The following RANBP2 variants were observed in gnomAD, a reference collection of about 807,000 sequenced individuals.
RANBP2 encodes the protein RAN binding protein 2.
A neutral mutation model predicts 303.6 loss-of-function variants in RANBP2; 57 were observed. The ratio of observed to expected loss-of-function variants is 0.19; its 90% CI spans 0.15 to 0.23. The LOEUF (loss-of-function observed/expected upper bound fraction) is 0.23. Among genes scored for constraint, RANBP2 ranks in the 10% least tolerant of loss-of-function variants. The probability of loss-of-function intolerance (pLI) is 1.00; values close to 1 mark genes in which losing one functional copy is unlikely to be tolerated. For missense variants in RANBP2, 3,138 were observed against 3,780.8 expected (o/e 0.83, Z 4.46); for synonymous variants, 1,167 against 1,301.5 (o/e 0.90, Z 2.23).
chr2:109,511,500 C>T, the RANBP2 span, among the ~76,000 whole-genome samples: 3 of 152,210 alleles, frequency 2.0e-5, no homozygotes, highest in African/African-American at 7.2e-5. Flanking sequence ...TGCAGTCAGG[C>T]TGGGAGAACC....
the RANBP2 span, among the ~76,000 whole-genome samples, chr2:109,565,194 T>G: frequency 6.6e-6 from 1 of 152,128 alleles, no homozygotes; most frequent in African/African-American, 2.4e-5. Flanking sequence ...TTTTCATTCA[T>G]TACAAAATTT....
chr2:109,490,739 C>T, the RANBP2 span: 1 of 1,536,376 alleles, frequency 6.5e-7, no homozygotes, highest in Non-Finnish European at 8.7e-7. Context: ...GTGCAGTGGG[C>T]CCCGAAGTGT....
the RANBP2 span, among the ~76,000 whole-genome samples, chr2:108,828,169 T>C: frequency 1.3e-5 from 2 of 152,102 alleles, no homozygotes; most frequent in Non-Finnish European, 2.9e-5. Context: ...CAAAATATAT[T>C]GTAGATAAAT....
chr2:109,718,578 G>T, the RANBP2 span, among the ~76,000 whole-genome samples: 1 of 152,184 alleles, frequency 6.6e-6, no homozygotes, highest in African/African-American at 2.4e-5. Flanking sequence ...ATGGATCAAG[G>T]TACAGGAGGA....
At chr2:108,773,777 G>C (rs926108854) in intron 23 of RANBP2, among the ~76,000 whole-genome samples, 17 of 151,998 alleles carry the variant, frequency 1.1e-4, no homozygotes, top group Non-Finnish European at 1.9e-4. Flanking sequence ...CTCCCAAGCA[G>C]CTGGGACTAC....
the RANBP2 span, among the ~76,000 whole-genome samples, chr2:109,535,932 GT>G: frequency 6.6e-6 from 1 of 151,982 alleles, no homozygotes; most frequent in Non-Finnish European, 1.5e-5. Flanking sequence ...CAGCTTCCAT[GT>G]GGTGTTGAAC....
chr2:109,057,134 T>C, the RANBP2 span, among the ~76,000 whole-genome samples: 1 of 152,336 alleles, frequency 6.6e-6, no homozygotes, highest in South Asian at 2.1e-4. Context: ...TTTGCAGATG[T>C]TCATTTCTGA....
At chr2:109,410,405 G>A in the RANBP2 span, among the ~76,000 whole-genome samples, 18 of 152,346 alleles carry the variant, frequency 1.2e-4, no homozygotes, top group Admixed American at 1.0e-3. Flanking sequence ...CCCTGACCTC[G>A]GTGCGGAGGG....
the RANBP2 span, among the ~76,000 whole-genome samples, chr2:109,132,954 T>A: frequency 6.6e-6 from 1 of 152,236 alleles, no homozygotes; most frequent in African/African-American, 2.4e-5. Context: ...TCCAATTTTG[T>A]TTTGAAAATT....
At chr2:109,078,861 C>T in the RANBP2 span, among the ~76,000 whole-genome samples, 2 of 151,222 alleles carry the variant, frequency 1.3e-5, no homozygotes, top group African/African-American at 2.4e-5. Context: ...TGTGGTGGCA[C>T]ACACCCGTAG....
At chr2:109,546,956 G>A in the RANBP2 span, among the ~76,000 whole-genome samples, 1 of 152,206 alleles carries the variant, frequency 6.6e-6, no homozygotes, top group South Asian at 2.1e-4. Context: ...CTGTTGAGCT[G>A]AGGGCAACTA....
chr2:109,406,546 A>G, the RANBP2 span, among the ~76,000 whole-genome samples: 3 of 152,194 alleles, frequency 2.0e-5, no homozygotes, highest in Non-Finnish European at 4.4e-5. Flanking sequence ...TGGGACACCA[A>G]CAAACACCAG....
the RANBP2 span, among the ~76,000 whole-genome samples, chr2:109,021,487 C>A: frequency 6.6e-6 from 1 of 150,982 alleles, no homozygotes; most frequent in Non-Finnish European, 1.5e-5. Context: ...GGCGCCACTG[C>A]CCTCCAGCCT....
the RANBP2 span, chr2:108,930,001 G>A: frequency 1.1e-4 from 135 of 1,272,860 alleles, no homozygotes; most frequent in Middle Eastern, 2.7e-4. Flanking sequence ...GAGCGTGACC[G>A]GCTGGTTTGA....
chr2:109,208,973 G>A, the RANBP2 span, among the ~76,000 whole-genome samples: 1 of 151,806 alleles, frequency 6.6e-6, no homozygotes, highest in Non-Finnish European at 1.5e-5. Flanking sequence ...GGGCAGGTGG[G>A]GTTCATGTTC....
chr2:108,817,838 T>TC, the RANBP2 span, among the ~76,000 whole-genome samples: 4 of 152,328 alleles, frequency 2.6e-5, no homozygotes, highest in Admixed American at 2.6e-4. Flanking sequence ...TGTTTAAATG[T>TC]TAAGTTTGTG....
At chr2:109,014,013 C>A in the RANBP2 span, among the ~76,000 whole-genome samples, 1 of 152,208 alleles carries the variant, frequency 6.6e-6, no homozygotes, top group Non-Finnish European at 1.5e-5. Context: ...TCTGAGCTTG[C>A]TGGATAGTGC....
the RANBP2 span, among the ~76,000 whole-genome samples, chr2:109,138,916 A>G: frequency 1.3e-5 from 2 of 152,236 alleles, no homozygotes; most frequent in Non-Finnish European, 2.9e-5. Context: ...CCTTTCTGCA[A>G]CTGACCATTC....
chr2:108,930,045 G>T, the RANBP2 span: 6 of 1,529,416 alleles, frequency 3.9e-6, no homozygotes, highest in South Asian at 1.2e-5. Context: ...AGCAAGGCAG[G>T]CTCAGGGCAA....
Sources: allele counts gnomAD v4.1 joint callset (sites outside exome capture counted in the v4.1 genomes callset), GRCh38; gene constraint gnomAD v4.1.1; transcripts MANE v1.5; gene names NCBI Gene and HGNC (gene_info 2026-07-23, HGNC 2026-07-21).